CLCA2: variants seen among roughly 807,000 people sequenced by gnomAD.
The protein encoded by CLCA2 is chloride channel accessory 2.
A neutral mutation model predicts 82.9 loss-of-function variants in CLCA2; 85 were observed. The observed-to-expected ratio is 1.03, with a 90% confidence interval of 0.86 to 1.23. The LOEUF (loss-of-function observed/expected upper bound fraction) is 1.23, where lower values mean the gene tolerates loss of function less well. CLCA2 is among the 50% of genes most tolerant of loss of function. The probability of loss-of-function intolerance (pLI) is 0.00; values close to 1 mark genes in which losing one functional copy is unlikely to be tolerated. For missense variants in CLCA2, 1,089 were observed against 1,124.8 expected, an observed-to-expected ratio of 0.97 and a Z score of 0.45; for synonymous variants, 421 against 391.7, an observed-to-expected ratio of 1.07 and a Z score of -0.88.
chr1:86,432,571 C>A, intron 5 of CLCA2, 43 bp downstream of exon 5: 1 of 1,583,166 alleles, frequency 6.3e-7, no homozygotes, highest in Non-Finnish European at 8.6e-7. Flanking sequence ...AGGATTCCTT[C>A]TCTTCCCATG....
intron 5 of CLCA2, 118 bp downstream of exon 5, chr1:86,432,646 A>G: frequency 8.6e-7 from 1 of 1,162,910 alleles, no homozygotes. Context: ...GGGACCCTAG[A>G]GTTCATCTAG....
chr1:86,443,885 G>T lies in CLCA2; in HGVS notation c.1587G>T (p.Thr529=), dbSNP rs548600933. 3 of 1,613,792 alleles carry T rather than the reference G, an allele frequency of 1.9e-6. No homozygotes were observed. Among genetic ancestry groups the T allele is most frequent in the African/African-American group, 1.3e-5 (1 of 75,022 alleles). Reference sequence around the variant, plus strand: ...GCAACGACACTATGTTTCTAGTTACGTGGCAGGCCAGTGGTCCTCCTGAGA... The same window carrying T: ...GCAACGACACTATGTTTCTAGTTACTTGGCAGGCCAGTGGTCCTCCTGAGA... ...TVGNDTMFLV[T]WQASGPPEII... is the part of the protein sequence containing the mutation. The change falls in exon 10 of 14, where the codon ACG becomes ACT. Residue 529 remains threonine (T), a synonymous_variant. Transcript: ENST00000370565.
At chr1:86,426,287 T>C (rs148488874) in intron 2 of CLCA2, among the ~76,000 whole-genome samples, 6 of 152,266 alleles carry the variant, frequency 3.9e-5, no homozygotes, top group African/African-American at 7.2e-5. Context: ...GGGTTTGAGA[T>C]TGTAACTACA....
chr1:86,426,384 C>T (rs1296467422), intron 2 of CLCA2, among the ~76,000 whole-genome samples: 3 of 152,106 alleles, frequency 2.0e-5, no homozygotes, highest in Non-Finnish European at 4.4e-5. Context: ...AAGTCTGTTT[C>T]ATTCTTAGCT....
chr1:86,431,957 C>T (rs755139804), intron 4 of CLCA2, among the ~76,000 whole-genome samples: 13 of 152,050 alleles, frequency 8.5e-5, no homozygotes, highest in Admixed American at 2.0e-4. Context: ...TTTTTTGAGA[C>T]GGAGTTTCGC....
At chr1:86,430,459 G>A (rs1662473708) in intron 3 of CLCA2, among the ~76,000 whole-genome samples, 2 of 152,104 alleles carry the variant, frequency 1.3e-5, no homozygotes, top group Admixed American at 1.3e-4. Context: ...CAGAAGATTA[G>A]GAAAGCTTTA....
chr1:86,449,404 C>A (rs1332099269), intron 11 of CLCA2, among the ~76,000 whole-genome samples: 1 of 152,094 alleles, frequency 6.6e-6, no homozygotes, highest in Non-Finnish European at 1.5e-5. Context: ...TTTCTTTCTG[C>A]CTCAGTTATT....
rs751919705 is a variant in CLCA2 at position 86,434,691 on chromosome 1, G to C, written c.918G>C (p.Gln306His). The part of the protein sequence containing the change: ...LPPPPTFSLV[Q>H]AGDKVVCLVL... ...CTCCTCCCACATTCTCGCTTGTACA[G>C]GCTGGTGACAAAGTGGTCTGTTTAG... Residue 306 changes from glutamine to histidine, a missense_variant, in exon 6 of 14, where the codon CAG becomes CAC. By Grantham distance (24) the Gln-to-His change is conservative. Transcript: ENST00000370565. 4.3e-6 allele frequency: 7 copies of C among 1,614,012 alleles called. No individual in the cohort carries two copies. The highest frequency in any genetic ancestry group is 5.9e-6 in the Non-Finnish European group (7 of 1,179,996).
chr1:86,439,378 G>A (rs1208498885), intron 7 of CLCA2, among the ~76,000 whole-genome samples: 4 of 152,232 alleles, frequency 2.6e-5, no homozygotes, highest in Non-Finnish European at 5.9e-5. Flanking sequence ...GACGAGACTA[G>A]AGGACCTAAA....
chr1:86,429,328 T>C (rs1662448166), intron 3 of CLCA2, among the ~76,000 whole-genome samples: 2 of 152,168 alleles, frequency 1.3e-5, no homozygotes, highest in Non-Finnish European at 2.9e-5. Context: ...CTCTAAGCGA[T>C]GAGAAATACT....
intron 2 of CLCA2, among the ~76,000 whole-genome samples, chr1:86,427,029 A>C (rs1662399052): frequency 6.6e-6 from 1 of 152,140 alleles, no homozygotes; most frequent in Non-Finnish European, 1.5e-5. Flanking sequence ...TCAGAATGTC[A>C]ATTAAGCAAA....
At chr1:86,442,822 C>T (rs944576867) in intron 9 of CLCA2, among the ~76,000 whole-genome samples, 15 of 152,256 alleles carry the variant, frequency 9.9e-5, no homozygotes, top group African/African-American at 3.4e-4. Flanking sequence ...GGTTCCATTC[C>T]CTTGGTATGT....
At chr1:86,450,465 T>G (rs1284213499) in intron 11 of CLCA2, 98 bp from the exon 12 acceptor site, 9 of 909,136 alleles carry the variant, frequency 9.9e-6, no homozygotes, top group Non-Finnish European at 1.4e-5. Context: ...ATATCTTATA[T>G]AGAAAGAATA....
At chr1:86,435,717 A>C (rs1160801172) in intron 6 of CLCA2, among the ~76,000 whole-genome samples, 1 of 152,252 alleles carries the variant, frequency 6.6e-6, no homozygotes, top group African/African-American at 2.4e-5. Flanking sequence ...GGAAATCTGC[A>C]AACCAGTAAT....
At position 86,455,295 on chromosome 1, in the gene CLCA2, G is replaced by T; in HGVS notation, c.2600G>T (p.Arg867Leu). Residue 867 changes from arginine (R) to leucine (L), a missense_variant, in exon 14 of 14, where the codon CGA becomes CTA. By Grantham distance (102) the Arg-to-Leu change is moderately radical (BLOSUM62 -2). Transcript: ENST00000370565. ...AGCCACAGAATTTATGTTGCAATACGAGCAATGGATAGGAACTCCTTACAG... is the reference window on the plus strand; with the variant it reads ...AGCCACAGAATTTATGTTGCAATACTAGCAATGGATAGGAACTCCTTACAG... ...HESHRIYVAIRAMDRNSLQSA... is the reference protein window; with the variant it reads ...HESHRIYVAILAMDRNSLQSA... The T allele has an allele frequency of 6.2e-7, 1 of 1,614,018 alleles. No individual in the cohort carries two copies. Among genetic ancestry groups the T allele is most frequent in the Non-Finnish European group, 8.5e-7 (1 of 1,179,980 alleles).
chr1:86,424,684 CT>C (rs1306265423), intron 1 of CLCA2, among the ~76,000 whole-genome samples: 1 of 152,150 alleles, frequency 6.6e-6, no homozygotes, highest in East Asian at 1.9e-4. Flanking sequence ...AATTTCAGCT[CT>C]TTTGTTTTCC....
chr1:86,432,640 C>CCCTA, intron 5 of CLCA2, 112 bp downstream of exon 5: 1 of 1,231,622 alleles, frequency 8.1e-7, no homozygotes, highest in Non-Finnish European at 1.1e-6. Context: ...ACTTGGGGGA[C>CCCTA]CCTAGAGTTC....
chr1:86,433,492 C>G (rs141837417), intron 5 of CLCA2, among the ~76,000 whole-genome samples: 1 of 152,110 alleles, frequency 6.6e-6, no homozygotes, highest in Non-Finnish European at 1.5e-5. Flanking sequence ...CATTATGTTT[C>G]TTATTTATAG....
intron 12 of CLCA2, among the ~76,000 whole-genome samples, chr1:86,452,858 T>G (rs1356574032): frequency 6.6e-6 from 1 of 152,182 alleles, no homozygotes; most frequent in African/African-American, 2.4e-5. Flanking sequence ...CTGTAATTAT[T>G]GGCACAGCAT....
Sources: gnomAD v4.1 joint callset for allele counts (sites outside exome capture counted in the v4.1 genomes callset) on GRCh38, gnomAD v4.1.1 for gene constraint, MANE v1.5 for transcripts, NCBI Gene and HGNC (gene_info 2026-07-23, HGNC 2026-07-21) for gene names.